C15orf40: variants seen among roughly 807,000 people sequenced by gnomAD.
C15orf40 encodes chromosome 15 open reading frame 40.
In C15orf40, 9 loss-of-function variants were observed where a neutral mutation model predicts 13.9. The ratio of observed to expected loss-of-function variants is 0.65; its 90% CI spans 0.39 to 1.13. The LOEUF is 1.13. Ranked by LOEUF, C15orf40 falls within the 50% of genes most tolerant of loss-of-function variation. C15orf40 has a pLI of 0.01. For synonymous variants in C15orf40, 95 were observed against 69.2 expected (o/e 1.37, Z -1.85); for missense variants, 225 against 188.5 (o/e 1.19, Z -1.13).
downstream of C15orf40, among the ~76,000 whole-genome samples, chr15:82,993,181 C>T (rs2030929465): frequency 6.6e-6 from 1 of 152,172 alleles, no homozygotes; most frequent in Non-Finnish European, 1.5e-5. Flanking sequence ...CACCCTGCCA[C>T]CCTCACAGAA....
Position 82,996,066 on chromosome 15 carries a change from G to C in C15orf40, c.*9531C>G, listed in dbSNP as rs1023041146. 5 of 152,126 alleles carry C rather than the reference G, an allele frequency of 3.3e-5. No homozygotes were observed. The highest frequency in any genetic ancestry group is 1.2e-4 in the African/African-American group (5 of 41,424). 9.4% of individuals were successfully genotyped at this position (152,126 alleles called of 1,614,324 possible). A position where few individuals can be genotyped will look rare whatever the true frequency, so the allele number is the denominator to read the frequency against. ...GCCCCATGTATGGGCTAATTCAGTT[G>C]GTGTTTTCACTCCTTTCCCTCAGGG... is the stretch of plus-strand genomic sequence containing the variant. On this transcript the variant is annotated 3_prime_UTR_variant, in exon 4 of 4. Transcript: ENST00000304177.
At chr15:83,008,236 C>A (rs968243602) in intron 3 of C15orf40, 1 of 242,590 alleles carries the variant, frequency 4.1e-6, no homozygotes, top group Non-Finnish European at 8.1e-6. Context: ...AAGAGAGAGA[C>A]CTCCGGGCAT....
In C15orf40 at chr15:83,011,619, A is replaced by C. The variant is rs752372955; in HGVS notation, c.-12T>G. ...CGGAGCCGCAGCATCCCCGCCTGGG[A>C]AGGCGCCGGAAGAGCCCTCTGCGCT... is the stretch of plus-strand genomic sequence containing the variant. On this transcript the variant is annotated 5_prime_UTR_variant, in exon 1 of 4. Transcript: ENST00000304177. The C allele has an allele frequency of 9.6e-6, 15 of 1,558,066 alleles. No individual in the cohort carries two copies. The African/African-American group carries it at 1.8e-4, about 19-fold the overall frequency.
In C15orf40 at chr15:82,998,046, G is replaced by C. The variant is rs937465431; in HGVS notation, c.*7551C>G. ...CACCTCCCTCCCGGACGGGGCGGCT[G>C]ACCCCCCATCTCCCTCCCGGACGGG... On this transcript the variant is annotated 3_prime_UTR_variant, in exon 4 of 4. Coordinates refer to ENST00000304177, the MANE Select transcript of C15orf40 (RefSeq NM_144597.3). 4 of 145,720 alleles carry C rather than the reference G, an allele frequency of 2.7e-5. No individual in the cohort carries two copies. The highest frequency in any genetic ancestry group is 5.9e-5 in the Non-Finnish European group (4 of 67,608). 9.0% of individuals were successfully genotyped at this position (145,720 alleles called of 1,614,324 possible).
chr15:83,004,972 T>G lies in C15orf40; in HGVS notation c.*625A>C. The G allele has an allele frequency of 7.8e-7, 1 of 1,281,966 alleles. No individual in the cohort carries two copies. The highest frequency in any genetic ancestry group is 1.5e-5 in the African/African-American group (1 of 65,428). The allele number at this position is 1,281,966 out of a possible 1,614,324, so 79.4% of individuals were successfully genotyped here. A position where few individuals can be genotyped will look rare whatever the true frequency, so the allele number is the denominator to read the frequency against. ...ACAATCTTGAGTAAGTCTCTCAACT[T>G]CTGGATATAGGAAATCAAAGGCCCC... On this transcript the variant is annotated 3_prime_UTR_variant, in exon 4 of 4. Coordinates refer to ENST00000304177, the MANE Select transcript of C15orf40 (RefSeq NM_144597.3).
At position 83,005,423 on chromosome 15, in the gene C15orf40, T is replaced by C. The variant is rs2031623547; in HGVS notation, c.*174A>G. 1 of 640,472 alleles carries C rather than the reference T, an allele frequency of 1.6e-6. No individual in the cohort carries two copies. The highest frequency in any genetic ancestry group is 2.5e-5 in the South Asian group (1 of 40,536). 39.7% of individuals were successfully genotyped at this position (640,472 alleles called of 1,614,324 possible). A position where few individuals can be genotyped will look rare whatever the true frequency, so the allele number is the denominator to read the frequency against. On this transcript the variant is annotated 3_prime_UTR_variant, in exon 4 of 4. Transcript: ENST00000304177. The stretch of plus-strand genomic sequence containing the variant: ...CCTCAGCCTCCTGAGTAACTGGGAT[T>C]ACAGGCATGCGCCATCACATCTGGC...
At position 83,001,212 on chromosome 15, in the gene C15orf40, T is replaced by G. The variant is rs2031402910; in HGVS notation, c.*4385A>C. On this transcript the variant is annotated 3_prime_UTR_variant, in exon 4 of 4. Coordinates refer to ENST00000304177, the MANE Select transcript of C15orf40 (RefSeq NM_144597.3). ...GAATGGCTCACAGAAATCAGAAGTC[T>G]GAAATCTCTGCTCCTGCCTCCAGGG... 1 of 985,326 alleles carries G rather than the reference T, an allele frequency of 1.0e-6. No individual in the cohort carries two copies. Among genetic ancestry groups the G allele is most frequent in the Admixed American group, 6.1e-5 (1 of 16,262 alleles). 61.0% of individuals were successfully genotyped at this position (985,326 alleles called of 1,614,324 possible).
intron 3 of C15orf40, chr15:83,007,805 T>C (rs1351597352): frequency 6.6e-6 from 1 of 152,284 alleles, no homozygotes; most frequent in East Asian, 1.9e-4. Flanking sequence ...GGCTGAAGAA[T>C]CACTTGAACC....
At chr15:83,006,900 A>G (rs767222306) in intron 3 of C15orf40, among the ~76,000 whole-genome samples, 2 of 152,268 alleles carry the variant, frequency 1.3e-5, no homozygotes, top group Non-Finnish European at 2.9e-5. Flanking sequence ...ACGTCAGCGC[A>G]TGAGCACTAG....
downstream of C15orf40, among the ~76,000 whole-genome samples, chr15:82,994,461 T>C (rs1191085014): frequency 6.6e-6 from 1 of 152,236 alleles, no homozygotes; most frequent in African/African-American, 2.4e-5. Context: ...CAGATCTGGC[T>C]GTGTATGGAA....
rs2031195529 is a variant in C15orf40 at position 82,997,982 on chromosome 15, C to A, written c.*7615G>T. 7.1e-6 allele frequency: 1 copy of A among 141,126 alleles called. No homozygotes were observed. Among genetic ancestry groups the A allele is most frequent in the Non-Finnish European group, 1.6e-5 (1 of 63,788 alleles). 8.7% of individuals were successfully genotyped at this position (141,126 alleles called of 1,614,324 possible). Reference sequence around the variant, plus strand: ...GAGGGCTGACCCCCCCACCTCCCTCCCGGACGGGGCGGCTGGCCAGGCGGG... The same window carrying A: ...GAGGGCTGACCCCCCCACCTCCCTCACGGACGGGGCGGCTGGCCAGGCGGG... On this transcript the variant is annotated 3_prime_UTR_variant, in exon 4 of 4. Coordinates refer to ENST00000304177, the MANE Select transcript of C15orf40 (RefSeq NM_144597.3).
At chr15:83,009,740 C>G (rs925114897) in intron 2 of C15orf40, among the ~76,000 whole-genome samples, 6 of 152,156 alleles carry the variant, frequency 3.9e-5, no homozygotes, top group African/African-American at 1.4e-4. Flanking sequence ...AAGCCTCTAA[C>G]TTAGTCCAAC....
intron 1 of C15orf40, 147 bp downstream of exon 1, chr15:83,011,350 G>A: frequency 5.9e-6 from 5 of 850,414 alleles, no homozygotes; most frequent in South Asian, 2.1e-5. Flanking sequence ...AGCTCTGGGG[G>A]TGGCGGCGGC....
intron 1 of C15orf40, 73 bp from the exon 2 acceptor site, chr15:83,010,436 C>A: frequency 6.5e-7 from 1 of 1,549,868 alleles, no homozygotes; most frequent in Non-Finnish European, 8.9e-7. Context: ...TCTTCCACTA[C>A]CCCCTTTCAC....
Position 82,998,145 on chromosome 15 carries a change from A to G in C15orf40, c.*7452T>C, listed in dbSNP as rs2031212685. 8.7e-6 allele frequency: 1 copy of G among 114,722 alleles called. No individual in the cohort carries two copies. The highest frequency in any genetic ancestry group is 1.8e-5 in the Non-Finnish European group (1 of 54,540). The allele number at this position is 114,722 out of a possible 1,614,324, so 7.1% of individuals were successfully genotyped here. A position where few individuals can be genotyped will look rare whatever the true frequency, so the allele number is the denominator to read the frequency against. On this transcript the variant is annotated 3_prime_UTR_variant, in exon 4 of 4. Coordinates refer to ENST00000304177, the MANE Select transcript of C15orf40 (RefSeq NM_144597.3). ...GGCAGAGGCGCCCCTCACCTCCCGG[A>G]CGGGGCGGCTGGCCGGGCGGGGGGC...
rs2031913730 is a variant in C15orf40, at chr15:83,010,132, G to GA, written c.238+104dup. The stretch of plus-strand genomic sequence containing the variant: ...TGGAGAAGCCTCTAACTGCAGATGT[G>GA]AAAAATCAACTGTCATAGAATAAGC... On this transcript the variant is annotated intron_variant, in intron 2 of 3. Transcript: ENST00000304177. 5 of 1,455,396 alleles carry GA rather than the reference G, an allele frequency of 3.4e-6. No individual in the cohort carries two copies. The Admixed American group carries it at 1.1e-4, about 32-fold the overall frequency. 90.2% of individuals were successfully genotyped at this position (1,455,396 alleles called of 1,614,324 possible).
downstream of C15orf40, chr15:82,990,717 G>A (rs997181138): frequency 1.0e-5 from 14 of 1,341,088 alleles, no homozygotes; most frequent in African/African-American, 1.5e-5. Flanking sequence ...GTTGGGATAA[G>A]GGTACACATC....
chr15:82,989,223 T>C, downstream of C15orf40: 1 of 1,604,706 alleles, frequency 6.2e-7, no homozygotes, highest in Non-Finnish European at 8.5e-7. Flanking sequence ...AGATAGTTGA[T>C]CTGGCAGAGG....
rs1318315938 is a variant in C15orf40, at chr15:83,004,495, G to C, written c.*1102C>G. 1.3e-6 allele frequency: 1 copy of C among 773,568 alleles called. No individual in the cohort carries two copies. Among genetic ancestry groups the C allele is most frequent in the Non-Finnish European group, 1.6e-6 (1 of 636,908 alleles). The allele number at this position is 773,568 out of a possible 1,614,324, so 47.9% of individuals were successfully genotyped here. On this transcript the variant is annotated 3_prime_UTR_variant, in exon 4 of 4. Transcript: ENST00000304177. The stretch of plus-strand genomic sequence containing the variant: ...TATTAGCTTTTGAAACTTTAATATA[G>C]ATGTAATTTCTGACAAGCTTTTACA...
Sources: allele counts gnomAD v4.1 joint callset (sites outside exome capture counted in the v4.1 genomes callset), GRCh38; gene constraint gnomAD v4.1.1; transcripts MANE v1.5; gene names NCBI Gene and HGNC (gene_info 2026-07-23, HGNC 2026-07-21).